Variants in GABRA6 observed in about 807,000 individuals in gnomAD.
GABRA6 encodes gamma-aminobutyric acid type A receptor subunit alpha6.
GABRA6 carries 45 observed loss-of-function variants against 47.3 expected under a neutral mutation model. The observed-to-expected ratio is 0.95, with a 90% CI of 0.75 to 1.22. The LOEUF (loss-of-function observed/expected upper bound fraction) is 1.22. Ranked by LOEUF, GABRA6 falls within the 50% of genes most tolerant of loss-of-function variation. The pLI, the probability that GABRA6 is intolerant of heterozygous loss-of-function variation, is 0.00. For missense variants in GABRA6, 583 were observed against 549.3 expected (o/e 1.06, Z -0.61); for synonymous variants, 219 against 194.7 (o/e 1.12, Z -1.04).
Position 161,689,172 on chromosome 5 carries a change from G to C in GABRA6, c.446+3G>C, listed in dbSNP as rs753819257. The C allele has an allele frequency of 6.2e-7, 1 of 1,613,252 alleles. No homozygotes were observed. The highest frequency in any genetic ancestry group is 8.5e-7 in the Non-Finnish European group (1 of 1,179,214). On this transcript the variant is annotated splice_donor_region_variant and intron_variant, in intron 4 of 8. Transcript: ENST00000274545. Reference sequence around the variant, plus strand: ...GGAACCATTTTATACACCATGAGGTGAGGTTTCTCCAATTCTATTTCCCCT... The same window carrying C: ...GGAACCATTTTATACACCATGAGGTCAGGTTTCTCCAATTCTATTTCCCCT...
In GABRA6 at chr5:161,702,221, T is replaced by C. The variant is rs1754995250; in HGVS notation, c.*448T>C. 5.6e-6 allele frequency: 1 copy of C among 178,634 alleles called. No individual in the cohort carries two copies. Among genetic ancestry groups the C allele is most frequent in the African/African-American group, 2.4e-5 (1 of 41,982 alleles). 11.1% of individuals were successfully genotyped at this position (178,634 alleles called of 1,614,324 possible). A position where few individuals can be genotyped will look rare whatever the true frequency, so the allele number is the denominator to read the frequency against. The stretch of plus-strand genomic sequence containing the variant: ...GTCTAAATATTTATCAGTAGGTTAA[T>C]ACCAGCATGTTGGAGGCCTTTATGC... On this transcript the variant is annotated 3_prime_UTR_variant, in exon 9 of 9. Transcript: ENST00000274545.
intron 8 of GABRA6, among the ~76,000 whole-genome samples, chr5:161,697,912 G>A (rs1296438011): frequency 6.6e-6 from 1 of 152,014 alleles, no homozygotes; most frequent in African/African-American, 2.4e-5. Flanking sequence ...ATGACATTGT[G>A]GATTTTTTGA....
Position 161,689,356 on chromosome 5 carries a change from T to G in GABRA6, c.529+20T>G, listed in dbSNP as rs761630847. ...GGAGCTGTAAGTTACAACAGGCTTC[T>G]GAGAGTCAAATAATACATCCAAAAT... On this transcript the variant is annotated intron_variant, in intron 5 of 8. Coordinates refer to ENST00000274545, the MANE Select transcript of GABRA6 (RefSeq NM_000811.3). The G allele has an allele frequency of 6.3e-7, 1 of 1,596,616 alleles. No individual in the cohort carries two copies. Among genetic ancestry groups the G allele is most frequent in the Admixed American group, 1.7e-5 (1 of 59,980 alleles).
chr5:161,690,826 T>C lies in GABRA6; in HGVS notation c.826+473T>C, dbSNP rs1443740708. Among the ~76,000 whole-genome samples, 7 of 152,226 alleles carry C rather than the reference T, an allele frequency of 4.6e-5. No homozygotes were observed. In the South Asian group the frequency reaches 1.5e-3, roughly 32 times the overall value. On this transcript the variant is annotated intron_variant, in intron 7 of 8. Transcript: ENST00000274545. ...TAGATAGAATCACTACTAATTTTAA[T>C]AAAACAAAATTAAATAATAAGAAAA...
At position 161,701,611 on chromosome 5, in the gene GABRA6, A is replaced by G. The variant is rs760920453; in HGVS notation, c.1200A>G (p.Thr400=). The change falls in exon 9 of 9, where the codon ACA becomes ACG. Residue 400 remains threonine (T), a synonymous_variant. Coordinates refer to ENST00000274545, the MANE Select transcript of GABRA6 (RefSeq NM_000811.3). The part of the protein sequence containing the change: ...VLTRAPILQS[T]PVTPPPLSPA... ...CGAGAGCGCCCATCTTACAATCAAC[A>G]CCTGTCACACCCCCACCACTCTCGC... 23 of 1,613,892 alleles carry G rather than the reference A, an allele frequency of 1.4e-5. No homozygotes were observed. The South Asian group carries it at 2.0e-4, about 14-fold the overall frequency.
At chr5:161,690,154 T>C (rs772137250) in intron 6 of GABRA6, 47 bp from the exon 7 acceptor site, 1 of 1,564,120 alleles carries the variant, frequency 6.4e-7, no homozygotes, top group East Asian at 2.2e-5. Flanking sequence ...GCATTCTTTT[T>C]GCAGACTGTC....
intron 8 of GABRA6, among the ~76,000 whole-genome samples, chr5:161,697,809 T>C (rs1754911254): frequency 6.6e-6 from 1 of 152,206 alleles, no homozygotes. Flanking sequence ...GTCTGTGGCA[T>C]CAGAGGGAAA....
At chr5:161,686,050 A>T (rs1561723245) in intron 1 of GABRA6, 23 bp downstream of exon 1, 1 of 1,610,930 alleles carries the variant, frequency 6.2e-7, no homozygotes, top group Non-Finnish European at 8.5e-7. Context: ...CTTTTTCCTG[A>T]TTTTTCTTTT....
At position 161,689,107 on chromosome 5, in the gene GABRA6, C is replaced by T; in HGVS notation, c.384C>T (p.Asn128=). 6.2e-7 allele frequency: 1 copy of T among 1,614,060 alleles called. No individual in the cohort carries two copies. Among genetic ancestry groups the T allele is most frequent in the Non-Finnish European group, 8.5e-7 (1 of 1,179,956 alleles). The part of the protein sequence containing the change: ...FRNGKKSIAH[N]MTTPNKLFRI... ...ATGGTAAAAAGTCCATTGCTCACAA[C>T]ATGACAACTCCTAATAAACTCTTCA... is the stretch of plus-strand genomic sequence containing the variant. The change falls in exon 4 of 9, where the codon AAC becomes AAT. Residue 128 remains asparagine (N), a synonymous_variant. Transcript: ENST00000274545.
intron 8 of GABRA6, among the ~76,000 whole-genome samples, chr5:161,694,624 A>G (rs1238096759): frequency 6.6e-6 from 1 of 152,142 alleles, no homozygotes; most frequent in Non-Finnish European, 1.5e-5. Context: ...AAAAAATGGT[A>G]TGTAAATTAT....
intron 8 of GABRA6, among the ~76,000 whole-genome samples, chr5:161,697,989 G>C (rs1002800057): frequency 6.6e-6 from 1 of 151,946 alleles, no homozygotes; most frequent in East Asian, 1.9e-4. Flanking sequence ...ATTTAGAACC[G>C]GTACTTATAA....
chr5:161,688,372 G>A (rs1039143887), intron 3 of GABRA6, among the ~76,000 whole-genome samples: 1 of 152,050 alleles, frequency 6.6e-6, no homozygotes, highest in Non-Finnish European at 1.5e-5. Flanking sequence ...TAATTTTGAT[G>A]ATACATACTT....
chr5:161,695,369 T>C (rs1754869179), intron 8 of GABRA6, among the ~76,000 whole-genome samples: 1 of 152,162 alleles, frequency 6.6e-6, no homozygotes, highest in Admixed American at 6.5e-5. Context: ...TTTTTTATTA[T>C]TTATTTCTGG....
rs1270279109 is a variant in GABRA6 at position 161,689,325 on chromosome 5, A to C, written c.518A>C (p.Lys173Thr). The change falls in exon 5 of 9, where the codon AAG (lysine) becomes ACG (threonine). Residue 173 changes from lysine (K) to threonine (T), a missense_variant. Physicochemically the swap from Lys to Thr is moderately conservative, Grantham distance 78. Transcript: ENST00000274545. ...ATGGATGGGCATGCTTGTCCACTCA[A>C]GTTTGGGAGCTGTAAGTTACAACAG... ...FPMDGHACPL[K>T]FGSYAYPKSE... 1 of 1,613,896 alleles carries C rather than the reference A, an allele frequency of 6.2e-7. No homozygotes were observed. The highest frequency in any genetic ancestry group is 1.1e-5 in the South Asian group (1 of 91,078).
intron 8 of GABRA6, among the ~76,000 whole-genome samples, chr5:161,697,050 T>G (rs1190041493): frequency 6.6e-6 from 1 of 152,206 alleles, no homozygotes; most frequent in Non-Finnish European, 1.5e-5. Flanking sequence ...TATCAAATAG[T>G]TGATTGTCAT....
At chr5:161,696,640 T>C (rs1321627208) in intron 8 of GABRA6, among the ~76,000 whole-genome samples, 1 of 152,112 alleles carries the variant, frequency 6.6e-6, no homozygotes, top group Admixed American at 6.5e-5. Flanking sequence ...TGATATGTTT[T>C]CTAGAGATGT....
intron 8 of GABRA6, among the ~76,000 whole-genome samples, chr5:161,695,400 T>C (rs973374787): frequency 6.6e-6 from 1 of 152,070 alleles, no homozygotes; most frequent in African/African-American, 2.4e-5. Flanking sequence ...GTCAACAGTG[T>C]TTTTCCCGCT....
intron 5 of GABRA6, 38 bp from the exon 6 acceptor site, chr5:161,689,598 A>C: frequency 6.4e-7 from 1 of 1,562,040 alleles, no homozygotes; most frequent in Non-Finnish European, 8.8e-7. Flanking sequence ...ACAACTCGTC[A>C]AATTCACTGC....
At chr5:161,698,825 T>C (rs1254456693) in intron 8 of GABRA6, among the ~76,000 whole-genome samples, 2 of 152,144 alleles carry the variant, frequency 1.3e-5, no homozygotes, top group Non-Finnish European at 2.9e-5. Flanking sequence ...GGGAAGTAGA[T>C]GAGGCAAAAG....
Sources: allele counts gnomAD v4.1 joint callset (sites outside exome capture counted in the v4.1 genomes callset), GRCh38; gene constraint gnomAD v4.1.1; transcripts MANE v1.5; gene names NCBI Gene and HGNC (gene_info 2026-07-23, HGNC 2026-07-21).